Variants in SPATA16 observed in about 807,000 individuals in gnomAD.
The protein encoded by SPATA16 is spermatogenesis-associated protein 16.
A neutral mutation model predicts 63.3 loss-of-function variants in SPATA16; 36 were observed. That is an observed-to-expected ratio of 0.57 (90% CI 0.44 to 0.75). The LOEUF (loss-of-function observed/expected upper bound fraction) is 0.75, where lower values mean the gene tolerates loss of function less well. SPATA16 is among the 30% of genes least tolerant of loss of function. The pLI is 0.00. For synonymous variants in SPATA16, 203 were observed against 216.7 expected (o/e 0.94, Z 0.56); for missense variants, 646 against 679.3 (o/e 0.95, Z 0.54).
chr3:172,937,701 CA>C (rs1733041083), intron 6 of SPATA16, among the ~76,000 whole-genome samples: 2 of 151,998 alleles, frequency 1.3e-5, no homozygotes. Context: ...TATATATACC[CA>C]GGGGGTATAT....
chr3:173,120,052 A>T (rs1338332704), intron 1 of SPATA16, among the ~76,000 whole-genome samples: 1 of 150,822 alleles, frequency 6.6e-6, no homozygotes, highest in Admixed American at 6.7e-5. Context: ...GTGTCATTGC[A>T]CTCCAGCCTA....
chr3:172,913,230 T>C (rs1303358938), intron 10 of SPATA16, among the ~76,000 whole-genome samples: 1 of 152,222 alleles, frequency 6.6e-6, no homozygotes, highest in African/African-American at 2.4e-5. Flanking sequence ...ATTAGTATGT[T>C]AGTTCTTTAC....
At chr3:173,106,569 T>C (rs1359122912) in intron 2 of SPATA16, among the ~76,000 whole-genome samples, 1 of 152,222 alleles carries the variant, frequency 6.6e-6, no homozygotes, top group East Asian at 1.9e-4. Context: ...GATCCATTTG[T>C]CATAACTTTC....
At position 172,977,071 on chromosome 3, in the gene SPATA16, T is replaced by G. The variant is rs760142134; in HGVS notation, c.849-19A>C. The G allele has an allele frequency of 2.7e-6, 4 of 1,475,336 alleles. No individual in the cohort carries two copies. Among genetic ancestry groups the G allele is most frequent in the Non-Finnish European group, 2.8e-6 (3 of 1,087,060 alleles). 91.4% of individuals were successfully genotyped at this position (1,475,336 alleles called of 1,614,324 possible). On this transcript the variant is annotated intron_variant, in intron 4 of 10. Coordinates refer to ENST00000351008, the MANE Select transcript of SPATA16 (RefSeq NM_031955.6). ...GGCACTCCTAAGAACAAGGACAGAT[T>G]AAAAAAAAAACAAAAACAAATGTAT...
At chr3:172,981,865 C>G (rs747610196) in intron 4 of SPATA16, among the ~76,000 whole-genome samples, 1 of 152,210 alleles carries the variant, frequency 6.6e-6, no homozygotes, top group Non-Finnish European at 1.5e-5. Flanking sequence ...CAGCAATGCT[C>G]ATTCATTTGT....
chr3:172,965,587 G>T (rs981172547), intron 5 of SPATA16, among the ~76,000 whole-genome samples: 1 of 151,758 alleles, frequency 6.6e-6, no homozygotes. Flanking sequence ...TCTTACATAA[G>T]TTTCAGCTTT....
chr3:173,117,067 CTTTCCATTTCATAGTTTCCT>C (rs1737917036), intron 2 of SPATA16, 33 bp downstream of exon 2: 1 of 1,566,976 alleles, frequency 6.4e-7, no homozygotes, highest in African/African-American at 1.4e-5. Flanking sequence ...GTAATTGCAA[CTTTCCATTTCATAGTTTCCT>C]GTCACCAATC....
intron 3 of SPATA16, among the ~76,000 whole-genome samples, chr3:173,023,629 T>A (rs1481145591): frequency 6.6e-6 from 1 of 151,896 alleles, no homozygotes; most frequent in Non-Finnish European, 1.5e-5. Context: ...TATTATTGTC[T>A]TCCCATACAG....
intron 3 of SPATA16, among the ~76,000 whole-genome samples, chr3:173,036,284 T>C (rs1735713774): frequency 6.6e-6 from 1 of 152,100 alleles, no homozygotes; most frequent in African/African-American, 2.4e-5. Context: ...TTGCTAGTGA[T>C]AAAATTTTGA....
At chr3:172,891,748 G>A (rs910792517) in intron 10 of SPATA16, among the ~76,000 whole-genome samples, 1 of 152,074 alleles carries the variant, frequency 6.6e-6, no homozygotes, top group African/African-American at 2.4e-5. Context: ...ATGCCCCCTC[G>A]ATCTTCCTAA....
chr3:172,954,086 A>G (rs553034849), intron 6 of SPATA16, among the ~76,000 whole-genome samples: 1 of 152,340 alleles, frequency 6.6e-6, no homozygotes, highest in Admixed American at 6.5e-5. Flanking sequence ...TTCTATCTAC[A>G]AGGCTGATAA....
intron 4 of SPATA16, among the ~76,000 whole-genome samples, chr3:172,998,723 A>T (rs992030046): frequency 6.6e-6 from 1 of 152,086 alleles, no homozygotes; most frequent in Non-Finnish European, 1.5e-5. Context: ...GTTCCTTCTT[A>T]TTCCTAGTTT....
chr3:173,036,285 A>C (rs887151439), intron 3 of SPATA16, among the ~76,000 whole-genome samples: 8 of 152,078 alleles, frequency 5.3e-5, no homozygotes, highest in African/African-American at 1.9e-4. Flanking sequence ...TGCTAGTGAT[A>C]AAATTTTGAG....
chr3:173,095,780 C>T (rs1177557738), intron 2 of SPATA16, among the ~76,000 whole-genome samples: 2 of 151,966 alleles, frequency 1.3e-5, no homozygotes, highest in African/African-American at 2.4e-5. Context: ...AAACATTCAC[C>T]CGGAATTAAT....
intron 2 of SPATA16, among the ~76,000 whole-genome samples, chr3:173,099,451 CCA>C (rs1737438783): frequency 6.6e-6 from 1 of 152,088 alleles, no homozygotes; most frequent in South Asian, 2.1e-4. Flanking sequence ...TTGGTACTAT[CCA>C]CAGTTTCAGG....
chr3:173,062,714 G>A (rs567318724), intron 2 of SPATA16, among the ~76,000 whole-genome samples: 5 of 152,278 alleles, frequency 3.3e-5, no homozygotes, highest in Non-Finnish European at 7.4e-5. Context: ...TTAAATATTA[G>A]AGCAGTGGTT....
At chr3:172,992,694 G>T (rs1734606866) in intron 4 of SPATA16, among the ~76,000 whole-genome samples, 1 of 152,120 alleles carries the variant, frequency 6.6e-6, no homozygotes, top group South Asian at 2.1e-4. Context: ...CTTCTGAGCA[G>T]CTACTACTGC....
intron 4 of SPATA16, 104 bp from the exon 5 acceptor site, chr3:172,977,156 A>G: frequency 1.1e-6 from 1 of 937,372 alleles, no homozygotes; most frequent in South Asian, 1.4e-5. Flanking sequence ...ATGATTTTTA[A>G]TGTATAAATT....
intron 5 of SPATA16, among the ~76,000 whole-genome samples, chr3:172,957,069 T>G (rs1226026232): frequency 6.6e-6 from 1 of 152,148 alleles, no homozygotes; most frequent in Non-Finnish European, 1.5e-5. Context: ...CTGAGCTTGT[T>G]TTAAGATAAA....
Sources: gnomAD v4.1 joint callset for allele counts (sites outside exome capture counted in the v4.1 genomes callset) on GRCh38, gnomAD v4.1.1 for gene constraint, MANE v1.5 for transcripts, NCBI Gene and HGNC (gene_info 2026-07-23, HGNC 2026-07-21) for gene names.